PPARD: variants seen among roughly 807,000 people sequenced by gnomAD.
PPARD encodes peroxisome proliferator activated receptor delta.
Under a neutral mutation model 39.5 loss-of-function variants are expected in PPARD, and 6 were observed. That is an observed-to-expected ratio of 0.15 (90% CI 0.08 to 0.30). PPARD has a LOEUF of 0.30. Ranked by LOEUF, PPARD falls within the 10% of genes least tolerant of loss-of-function variation. The probability of loss-of-function intolerance (pLI) is 1.00; values close to 1 mark genes in which losing one functional copy is unlikely to be tolerated. For missense variants in PPARD, 397 were observed against 596.8 expected, an observed-to-expected ratio of 0.67 and a Z score of 3.49; for synonymous variants, 210 against 231.3, an observed-to-expected ratio of 0.91 and a Z score of 0.83.
At chr6:35,352,487 A>G (rs1761325348) in intron 2 of PPARD, among the ~76,000 whole-genome samples, 1 of 152,190 alleles carries the variant, frequency 6.6e-6, no homozygotes, top group African/African-American at 2.4e-5. Context: ...CCCGGCCACA[A>G]AGAATATTTA....
At chr6:35,392,159 G>T (rs1347212596) in intron 2 of PPARD, among the ~76,000 whole-genome samples, 1 of 152,014 alleles carries the variant, frequency 6.6e-6, no homozygotes, top group African/African-American at 2.4e-5. Context: ...CCAGGTATAT[G>T]CAGCCTGTAC....
At chr6:35,342,754 C>CGGGACTGGGGCGCA (rs1791914026) in intron 1 of PPARD, 73 bp downstream of exon 1, 1 of 152,348 alleles carries the variant, frequency 6.6e-6, no homozygotes, top group African/African-American at 2.4e-5. Context: ...AGGCGGCCAG[C>CGGGACTGGGGCGCA]GGGACTGGGG....
At chr6:35,376,707 C>G (rs2150566360) in intron 2 of PPARD, among the ~76,000 whole-genome samples, 1 of 152,162 alleles carries the variant, frequency 6.6e-6, no homozygotes, top group Non-Finnish European at 1.5e-5. Context: ...ATGGGCAGGA[C>G]TAGCTTGGTG....
intron 2 of PPARD, among the ~76,000 whole-genome samples, chr6:35,350,612 CTT>C (rs959545502): frequency 1.1e-4 from 12 of 104,552 alleles, no homozygotes; most frequent in African/African-American, 1.7e-4. Context: ...GTCTATGTGT[CTT>C]TTTTTTTTTT....
At position 35,401,201 on chromosome 6, in the gene PPARD, A is replaced by G. The variant is rs946672259; in HGVS notation, c.-101-9786A>G. 6.6e-6 allele frequency among the ~76,000 whole-genome samples: 1 copy of G among 152,092 alleles called. No homozygotes were observed. The highest frequency in any genetic ancestry group is 1.5e-5 in the Non-Finnish European group (1 of 68,004). On this transcript the variant is annotated intron_variant, in intron 2 of 7. Transcript: ENST00000360694. This position sits in a 1 kb window ranked among gnomAD's most constrained non-coding sequence, Gnocchi z 4.1. ...GTACTCAGCTCTGAGTCAGGGCCCC[A>G]TCCCTCAACTCCTCAGCCTGAGTCT...
intron 2 of PPARD, among the ~76,000 whole-genome samples, chr6:35,378,069 G>A (rs768920065): frequency 6.6e-6 from 1 of 151,810 alleles, no homozygotes; most frequent in Non-Finnish European, 1.5e-5. Flanking sequence ...TCACCCTGTT[G>A]GCCAGGATGG....
At chr6:35,377,698 G>A (rs1325270945) in intron 2 of PPARD, among the ~76,000 whole-genome samples, 1 of 152,004 alleles carries the variant, frequency 6.6e-6, no homozygotes, top group African/African-American at 2.4e-5. Context: ...GCTGCCCCCA[G>A]CAGTTGAGGC....
rs1246195624 is a variant in PPARD at position 35,425,553 on chromosome 6, A to G, written c.1079-279A>G. On this transcript the variant is annotated intron_variant, in intron 7 of 7. Transcript: ENST00000360694. This position sits in a 1 kb window ranked among gnomAD's most constrained non-coding sequence, Gnocchi z 4.5. Reference sequence around the variant, plus strand: ...ATGACCTGCCTATAGCCTCACAGGCAGACACAGGATTTGAATTAAGCATTG... The same window carrying G: ...ATGACCTGCCTATAGCCTCACAGGCGGACACAGGATTTGAATTAAGCATTG... Among the ~76,000 whole-genome samples the G allele has an allele frequency of 3.9e-5, 6 of 152,188 alleles. No individual in the cohort carries two copies. Among genetic ancestry groups the G allele is most frequent in the African/African-American group, 1.2e-4 (5 of 41,424 alleles).
At chr6:35,370,204 G>C (rs1475134821) in intron 2 of PPARD, among the ~76,000 whole-genome samples, 1 of 152,180 alleles carries the variant, frequency 6.6e-6, no homozygotes, top group Non-Finnish European at 1.5e-5. Flanking sequence ...GGGCCAGGAA[G>C]GGTCTGGCTG....
chr6:35,379,337 T>C (rs1309011885), intron 2 of PPARD, among the ~76,000 whole-genome samples: 1 of 152,042 alleles, frequency 6.6e-6, no homozygotes, highest in Non-Finnish European at 1.5e-5. Context: ...CTCCTGACCT[T>C]GTGGTCTGCC....
intron 2 of PPARD, among the ~76,000 whole-genome samples, chr6:35,398,565 G>A (rs1302608814): frequency 6.6e-6 from 1 of 152,198 alleles, no homozygotes; most frequent in Non-Finnish European, 1.5e-5. Context: ...GAAGGCACAA[G>A]CTGGCATAAG....
chr6:35,425,859 G>A lies in PPARD; in HGVS notation c.1106G>A (p.Arg369Gln), dbSNP rs772150465. Residue 369 changes from arginine (R) to glutamine (Q), a missense_variant, in exon 8 of 8, where the codon CGG (arginine) becomes CAG (glutamine). Transcript: ENST00000360694. The surrounding 1 kb of genome is among the most constrained non-coding windows in gnomAD (Gnocchi z 4.5). ...GDRPGLMNVP[R>Q]VEAIQDTILR... ...CGGCCAGGCCTCATGAACGTTCCAC[G>A]GGTGGAGGCTATCCAGGACACCATC... The A allele has an allele frequency of 9.3e-6, 15 of 1,613,908 alleles. No homozygotes were observed. The highest frequency in any genetic ancestry group is 3.3e-5 in the South Asian group (3 of 91,084).
In PPARD at chr6:35,401,713, C is replaced by G. The variant is rs533997210; in HGVS notation, c.-101-9274C>G. On this transcript the variant is annotated intron_variant, in intron 2 of 7. Transcript: ENST00000360694. This position sits in a 1 kb window ranked among gnomAD's most constrained non-coding sequence, Gnocchi z 4.1. ...CACCTGACTCATGTGCTCTGAGTGC[C>G]ACACCTTGCTTGGCATTTGTCCTTC... Among the ~76,000 whole-genome samples the G allele has an allele frequency of 6.6e-6, 1 of 152,202 alleles. No individual in the cohort carries two copies.
intron 2 of PPARD, among the ~76,000 whole-genome samples, chr6:35,404,951 CTTTGTG>C (rs775136262): frequency 7.8e-5 from 8 of 102,970 alleles, no homozygotes; most frequent in African/African-American, 3.1e-4. Context: ...GCACTGCAGG[CTTTGTG>C]TGTGTGTGTG....
In PPARD at chr6:35,424,847, C is replaced by T; in HGVS notation, c.1078+68C>T. The T allele has an allele frequency of 3.2e-6, 5 of 1,562,778 alleles. No individual in the cohort carries two copies. The highest frequency in any genetic ancestry group is 4.3e-6 in the Non-Finnish European group (5 of 1,155,918). On this transcript the variant is annotated intron_variant, in intron 7 of 7. Transcript: ENST00000360694. This position sits in a 1 kb window ranked among gnomAD's most constrained non-coding sequence, Gnocchi z 7.1. ...TCGTCCTGGGGGTTGGCCCTCACTG[C>T]AGGGCACTGTGCCTGAGCTCTGACA...
At chr6:35,402,248 T>G (rs566984995) in intron 2 of PPARD, among the ~76,000 whole-genome samples, 2 of 152,284 alleles carry the variant, frequency 1.3e-5, no homozygotes, top group East Asian at 3.9e-4. Context: ...TTTGTGGCCA[T>G]GTCTTTTCAG....
intron 2 of PPARD, among the ~76,000 whole-genome samples, chr6:35,395,828 T>C (rs1764278267): frequency 6.6e-6 from 1 of 152,190 alleles, no homozygotes; most frequent in African/African-American, 2.4e-5. Context: ...GGAAGTTACC[T>C]CACTCTTCCA....
intron 2 of PPARD, among the ~76,000 whole-genome samples, chr6:35,364,431 C>CTTTTTT (rs529866520): frequency 1.6e-5 from 2 of 127,190 alleles, no homozygotes; most frequent in African/African-American, 3.2e-5. Flanking sequence ...CCATGTTTAA[C>CTTTTTT]TTTTTTTTTT....
chr6:35,373,139 C>T (rs1186201084), intron 2 of PPARD, among the ~76,000 whole-genome samples: 7 of 152,170 alleles, frequency 4.6e-5, no homozygotes, highest in Non-Finnish European at 8.8e-5. Flanking sequence ...TATAAGAGCA[C>T]TAATCCGTTC....
Sources: allele counts gnomAD v4.1 joint callset (sites outside exome capture counted in the v4.1 genomes callset), GRCh38; gene constraint gnomAD v4.1.1; non-coding constraint Gnocchi (gnomAD v3.1); transcripts MANE v1.5; gene names NCBI Gene and HGNC (gene_info 2026-07-23, HGNC 2026-07-21).